The following GMDS variants were observed in gnomAD, a reference collection of about 807,000 sequenced individuals.
GMDS encodes GDP-mannose 4,6 dehydratase.
A neutral mutation model predicts 49.9 loss-of-function variants in GMDS; 20 were observed. The ratio of observed to expected loss-of-function variants is 0.40; its 90% confidence interval spans 0.28 to 0.58. GMDS has a LOEUF of 0.58. GMDS is among the 20% of genes least tolerant of loss of function. The pLI, the probability that GMDS is intolerant of heterozygous loss-of-function variation, is 0.42. For missense variants in GMDS, 362 were observed against 481.4 expected, an observed-to-expected ratio of 0.75 and a Z score of 2.32; for synonymous variants, 177 against 178.6, an observed-to-expected ratio of 0.99 and a Z score of 0.07.
intron 4 of GMDS, among the ~76,000 whole-genome samples, chr6:2,028,608 C>T (rs561796837): frequency 1.3e-5 from 2 of 152,176 alleles, no homozygotes; most frequent in Non-Finnish European, 2.9e-5. Context: ...AGAGGAAGCA[C>T]ATCTCAGCAG....
Position 1,856,916 on chromosome 6 carries a change from A to G in GMDS, c.771+73187T>C, listed in dbSNP as rs566051790. On this transcript the variant is annotated intron_variant, in intron 7 of 10. Transcript: ENST00000380815. ...AGAGAGGGCAAAAATATTAAAAACC[A>G]TTGCTGGAAGGACACCTTGTGAGTT... Among the ~76,000 whole-genome samples, 13 of 152,336 alleles carry G rather than the reference A, an allele frequency of 8.5e-5. No homozygotes were observed. In the South Asian group the frequency reaches 2.7e-3, roughly 32 times the overall value.
At chr6:1,802,396 T>C (rs1468264132) in intron 7 of GMDS, among the ~76,000 whole-genome samples, 1 of 152,230 alleles carries the variant, frequency 6.6e-6, no homozygotes, top group East Asian at 1.9e-4. Flanking sequence ...AATAGGCATA[T>C]CTCAAACTAA....
At chr6:2,043,866 A>G (rs200947528) in intron 4 of GMDS, among the ~76,000 whole-genome samples, 29 of 90,052 alleles carry the variant, frequency 3.2e-4, no homozygotes, top group South Asian at 6.5e-4. Context: ...AAATTTGCAG[A>G]AAAAAAAACA....
chr6:1,954,700 T>TA (rs779798687), intron 6 of GMDS, among the ~76,000 whole-genome samples: 6 of 152,252 alleles, frequency 3.9e-5, no homozygotes, highest in Non-Finnish European at 7.3e-5. Flanking sequence ...TTGCACACGA[T>TA]AAAAGCAGTC....
intron 7 of GMDS, among the ~76,000 whole-genome samples, chr6:1,830,090 T>A (rs1771291094): frequency 6.6e-6 from 1 of 152,206 alleles, no homozygotes; most frequent in Non-Finnish European, 1.5e-5. Context: ...TTTAAATTAA[T>A]CAAAATTAAA....
chr6:1,743,413 G>GTCAC, intron 7 of GMDS, among the ~76,000 whole-genome samples: 1 of 150,196 alleles, frequency 6.7e-6, no homozygotes, highest in East Asian at 2.0e-4. Context: ...CGTGGTGGGG[G>GTCAC]GCGCCTGTAG....
chr6:1,968,780 A>G (rs1764408042), intron 4 of GMDS, among the ~76,000 whole-genome samples: 2 of 152,168 alleles, frequency 1.3e-5, no homozygotes, highest in African/African-American at 4.8e-5. Context: ...AAATTCTGAA[A>G]TCTACTGAAC....
intron 1 of GMDS, among the ~76,000 whole-genome samples, chr6:2,206,589 T>C (rs1200252536): frequency 6.6e-6 from 1 of 152,186 alleles, no homozygotes; most frequent in Non-Finnish European, 1.5e-5. Context: ...CTGACCAACC[T>C]CATATTCATA....
Position 1,750,438 on chromosome 6 carries a change from C to T in GMDS, c.772-7852G>A, listed in dbSNP as rs558132943. Reference sequence around the variant, plus strand: ...TGGGTGCAGCCCATGGAGGGTGAGCCGAAGCAGGGTGGGGCATTCCCTCAC... The same window carrying T: ...TGGGTGCAGCCCATGGAGGGTGAGCTGAAGCAGGGTGGGGCATTCCCTCAC... On this transcript the variant is annotated intron_variant, in intron 7 of 10. Transcript: ENST00000380815. Among the ~76,000 whole-genome samples, 121 of 152,176 alleles carry T rather than the reference C, an allele frequency of 8.0e-4. 1 individual carries two copies. The highest frequency in any genetic ancestry group is 3.4e-3 in the Middle Eastern group (1 of 294).
chr6:2,075,089 T>G (rs1418482034), intron 4 of GMDS, among the ~76,000 whole-genome samples: 1 of 152,198 alleles, frequency 6.6e-6, no homozygotes, highest in East Asian at 1.9e-4. Context: ...GCTTCCAGCT[T>G]TATTCCTTTT....
At chr6:1,970,194 A>G (rs1267165731) in intron 4 of GMDS, among the ~76,000 whole-genome samples, 1 of 152,190 alleles carries the variant, frequency 6.6e-6, no homozygotes, top group Non-Finnish European at 1.5e-5. Flanking sequence ...CTAACATTTG[A>G]TTTCACAGAC....
rs182645521 is a variant in GMDS at position 1,954,521 on chromosome 6, C to T, written c.643+5346G>A. On this transcript the variant is annotated intron_variant, in intron 6 of 10. Transcript: ENST00000380815. ...TCAGAATTGGAGTCAATCTCTCAAA[C>T]CCTGCTGCTGCTTTAACAACTAAAC... Among the ~76,000 whole-genome samples, 671 of 152,386 alleles carry T rather than the reference C, an allele frequency of 4.4e-3. 1 individual carries two copies. The highest frequency in any genetic ancestry group is 7.1e-3 in the Non-Finnish European group (480 of 68,038).
At chr6:2,155,101 AATACTTG>A (rs944695406) in intron 1 of GMDS, among the ~76,000 whole-genome samples, 1 of 152,076 alleles carries the variant, frequency 6.6e-6, no homozygotes, top group African/African-American at 2.4e-5. Context: ...TACTGGCACA[AATACTTG>A]ATAAATGTCG....
At chr6:1,965,640 C>A (rs1489227603) in intron 4 of GMDS, among the ~76,000 whole-genome samples, 3 of 151,930 alleles carry the variant, frequency 2.0e-5, no homozygotes, top group Non-Finnish European at 4.4e-5. Context: ...CTGGGAAACA[C>A]AGCAAGGTCC....
At chr6:2,165,976 A>C (rs919920560) in intron 1 of GMDS, among the ~76,000 whole-genome samples, 1 of 152,228 alleles carries the variant, frequency 6.6e-6, no homozygotes, top group African/African-American at 2.4e-5. Context: ...AAATATTAGA[A>C]GAAATCATCT....
chr6:1,999,958 A>ATTATATATATTATATATATATT (rs1766589449), intron 4 of GMDS, among the ~76,000 whole-genome samples: 1 of 20,642 alleles, frequency 4.8e-5, no homozygotes, highest in Admixed American at 9.6e-4. Context: ...TAATATGTAT[A>ATTATATATATTATATATATATT]TTATATATAT....
At chr6:1,702,819 C>T (rs1182135638) in intron 9 of GMDS, among the ~76,000 whole-genome samples, 1 of 152,210 alleles carries the variant, frequency 6.6e-6, no homozygotes, top group African/African-American at 2.4e-5. Flanking sequence ...GTGACCCTAA[C>T]CTCAATCTGG....
intron 4 of GMDS, among the ~76,000 whole-genome samples, chr6:1,964,098 C>G (rs1479737364): frequency 1.3e-5 from 2 of 152,188 alleles, no homozygotes; most frequent in African/African-American, 4.8e-5. Flanking sequence ...CACACAGACA[C>G]AAACAATTGC....
rs554695304 is a variant in GMDS at position 2,113,148 on chromosome 6, C to T, written c.345+2623G>A. Among the ~76,000 whole-genome samples, 11 of 152,238 alleles carry T rather than the reference C, an allele frequency of 7.2e-5. No individual in the cohort carries two copies. In the South Asian group the frequency reaches 1.7e-3, roughly 23 times the overall value. ...CTCCAACCCCACTCCAAAAGTTCCT[C>T]CTTGAATGTCGGTTTCTAGTACTGG... On this transcript the variant is annotated intron_variant, in intron 4 of 10. Coordinates refer to ENST00000380815, the MANE Select transcript of GMDS (RefSeq NM_001500.4).
Sources: allele counts gnomAD v4.1 joint callset (sites outside exome capture counted in the v4.1 genomes callset), GRCh38; gene constraint gnomAD v4.1.1; transcripts MANE v1.5; gene names NCBI Gene and HGNC (gene_info 2026-07-23, HGNC 2026-07-21).